Variants in MAPK8IP3 observed in about 807,000 individuals in gnomAD.
MAPK8IP3 encodes mitogen-activated protein kinase 8 interacting protein 3.
A neutral mutation model predicts 157.8 loss-of-function variants in MAPK8IP3; 49 were observed. The observed-to-expected ratio is 0.31, with a 90% CI of 0.25 to 0.39. The LOEUF is 0.39. MAPK8IP3 is among the 10% of genes least tolerant of loss of function. The pLI is 1.00. For synonymous variants in MAPK8IP3, 897 were observed against 777.7 expected (o/e 1.15, Z -2.55); for missense variants, 1,478 against 1,889.4 (o/e 0.78, Z 4.04).
chr16:1,761,845 T>C (rs1208500667), intron 13 of MAPK8IP3, among the ~76,000 whole-genome samples: 1 of 152,228 alleles, frequency 6.6e-6, no homozygotes, highest in Non-Finnish European at 1.5e-5. Flanking sequence ...TCACACACAG[T>C]ATATCCTACT....
At chr16:1,730,070 A>C (rs1030073038) in intron 4 of MAPK8IP3, among the ~76,000 whole-genome samples, 4 of 147,658 alleles carry the variant, frequency 2.7e-5, no homozygotes, top group Non-Finnish European at 6.0e-5. Flanking sequence ...AAAAAAAAAA[A>C]AAATTGTTTA....
intron 4 of MAPK8IP3, chr16:1,734,872 C>T (rs1567160552): frequency 6.5e-6 from 1 of 154,006 alleles, no homozygotes; most frequent in Non-Finnish European, 1.5e-5. Flanking sequence ...CCTGGCGTGG[C>T]TTAGTGAGTG....
chr16:1,768,150 AC>A (rs879312772), intron 29 of MAPK8IP3, 43 bp downstream of exon 29: 1 of 1,611,784 alleles, frequency 6.2e-7, no homozygotes, highest in Admixed American at 1.7e-5. Context: ...AGCCTCTCCC[AC>A]TCTCCACCTG....
intron 5 of MAPK8IP3, chr16:1,745,070 T>C (rs975110370): frequency 6.2e-5 from 61 of 985,096 alleles, no homozygotes; most frequent in East Asian, 1.1e-4. Flanking sequence ...CTGCTACACG[T>C]TGATGTTTAG....
Position 1,762,865 on chromosome 16 carries a change from G to T in MAPK8IP3, c.1757G>T (p.Ser586Ile). 6.2e-7 allele frequency: 1 copy of T among 1,612,932 alleles called. No individual in the cohort carries two copies. Among genetic ancestry groups the T allele is most frequent in the Non-Finnish European group, 8.5e-7 (1 of 1,179,822 alleles). Reference protein sequence around the residue: ...FFSRLFSSSSSPPPAKRPYPS... With the variant: ...FFSRLFSSSSIPPPAKRPYPS... ...AGCCGCCTCTTCAGCTCTTCCTCCA[G>T]CCCCCCTCCGGCCAAGCGCCCCTAT... The change falls in exon 16 of 32, where the codon AGC becomes ATC. Residue 586 changes from serine to isoleucine, a missense_variant. Physicochemically the swap from Ser to Ile is moderately radical, Grantham distance 142. Transcript: ENST00000610761.
intron 1 of MAPK8IP3, among the ~76,000 whole-genome samples, chr16:1,711,268 G>A (rs1001080601): frequency 6.6e-6 from 1 of 152,204 alleles, no homozygotes; most frequent in Non-Finnish European, 1.5e-5. Flanking sequence ...GGGTCCCTGT[G>A]TCCTTGTTGT....
chr16:1,728,998 TTGCCGGGC>T, intron 2 of MAPK8IP3, 132 bp from the exon 3 acceptor site: 1 of 766,778 alleles, frequency 1.3e-6, no homozygotes, highest in Non-Finnish European at 2.3e-6. Context: ...GGCCTTGCAC[TTGCCGGGC>T]TGCTGCTGGT....
chr16:1,765,656 C>G (rs2042214103), intron 20 of MAPK8IP3, among the ~76,000 whole-genome samples: 3 of 152,186 alleles, frequency 2.0e-5, no homozygotes, highest in Admixed American at 6.5e-5. Flanking sequence ...GGTGTGAAAC[C>G]ACAGGGCCGT....
chr16:1,757,037 C>A (rs1307755316), intron 8 of MAPK8IP3, among the ~76,000 whole-genome samples: 2 of 152,166 alleles, frequency 1.3e-5, no homozygotes, highest in African/African-American at 4.8e-5. Context: ...GACATCTGCT[C>A]TCGAATTGGG....
At position 1,743,694 on chromosome 16, in the gene MAPK8IP3, G is replaced by A. The variant is rs535904016; in HGVS notation, c.747+218G>A. 1,392 of 1,400,248 alleles carry A rather than the reference G, an allele frequency of 9.9e-4. 2 individuals carry two copies. Among genetic ancestry groups the A allele is most frequent in the Non-Finnish European group, 6.9e-4 (750 of 1,085,228 alleles). The allele number at this position is 1,400,248 out of a possible 1,614,324, so 86.7% of individuals were successfully genotyped here. ...GGCTGTGGCTGTTCCACGCGGCCTC[G>A]TGTCGGCACCTGCTAGTCCAGGCTA... On this transcript the variant is annotated intron_variant, in intron 5 of 31. Transcript: ENST00000610761. This position sits in a 1 kb window ranked among gnomAD's most constrained non-coding sequence, Gnocchi z 5.6.
intron 13 of MAPK8IP3, among the ~76,000 whole-genome samples, chr16:1,761,752 A>G (rs1402491898): frequency 6.7e-6 from 1 of 150,254 alleles, no homozygotes; most frequent in Non-Finnish European, 1.5e-5. Context: ...CCGGGTGACC[A>G]CTGTTCATAC....
At chr16:1,760,601 CT>C in intron 12 of MAPK8IP3, 69 bp downstream of exon 12, 1 of 1,539,942 alleles carries the variant, frequency 6.5e-7, no homozygotes, top group Non-Finnish European at 8.8e-7. Context: ...TGGCTGCCTC[CT>C]CCAGTGCCTG....
At position 1,764,999 on chromosome 16, in the gene MAPK8IP3, G is replaced by A. The variant is rs138743890; in HGVS notation, c.2281-14G>A. On this transcript the variant is annotated splice_polypyrimidine_tract_variant and intron_variant, in intron 19 of 31. Transcript: ENST00000610761. ...AAGCTCGGGCTCTGACCTTGATCCCGTGCCCTGAAACAGGCCAAGGAGCTC... is the reference window on the plus strand; with the variant it reads ...AAGCTCGGGCTCTGACCTTGATCCCATGCCCTGAAACAGGCCAAGGAGCTC... 84 of 1,594,378 alleles carry A rather than the reference G, an allele frequency of 5.3e-5. No homozygotes were observed. Among genetic ancestry groups the A allele is most frequent in the South Asian group, 6.6e-5 (6 of 90,468 alleles).
intron 1 of MAPK8IP3, among the ~76,000 whole-genome samples, chr16:1,712,577 T>C (rs2037862281): frequency 6.6e-6 from 1 of 151,970 alleles, no homozygotes; most frequent in South Asian, 2.1e-4. Context: ...ACATCTCAGG[T>C]GGTGATAACA....
At position 1,743,352 on chromosome 16, in the gene MAPK8IP3, C is replaced by T. The variant is rs1318210673; in HGVS notation, c.623C>T (p.Ser208Phe). ...TTCAGCAGGAAGGAGCGCCCCACCT[C>T]CCTGAACGTGTTCCCCCTGGCTGAC... ...PGRSRKERPTSLNVFPLADGT... is the reference protein window; with the variant it reads ...PGRSRKERPTFLNVFPLADGT... Residue 208 changes from serine (S) to phenylalanine (F), a missense_variant, in exon 5 of 32, where the codon TCC becomes TTC. Ser to Phe is a radical substitution (Grantham distance 155). Coordinates refer to ENST00000610761, the MANE Select transcript of MAPK8IP3 (RefSeq NM_001318852.2). The surrounding 1 kb of genome is among the most constrained non-coding windows in gnomAD (Gnocchi z 5.6). 6.4e-7 allele frequency: 1 copy of T among 1,574,704 alleles called. No individual in the cohort carries two copies. Among genetic ancestry groups the T allele is most frequent in the Admixed American group, 1.9e-5 (1 of 53,098 alleles).
At chr16:1,767,961 G>C in intron 28 of MAPK8IP3, 43 bp downstream of exon 28, 1 of 1,607,174 alleles carries the variant, frequency 6.2e-7, no homozygotes, top group Non-Finnish European at 8.5e-7. Flanking sequence ...TGCTGCCAGA[G>C]GTGTACGTGG....
intron 5 of MAPK8IP3, chr16:1,745,313 G>A (rs368205354): frequency 2.6e-4 from 95 of 367,636 alleles, no homozygotes; most frequent in African/African-American, 2.0e-3. Context: ...GGGGTTCCCT[G>A]TTTTCTCTCT....
At chr16:1,757,471 A>G (rs2041673908) in intron 8 of MAPK8IP3, among the ~76,000 whole-genome samples, 1 of 152,088 alleles carries the variant, frequency 6.6e-6, no homozygotes, top group Admixed American at 6.5e-5. Flanking sequence ...CCGCGTCCTC[A>G]CCTCTGTTGG....
At chr16:1,728,377 G>T (rs1046667492) in intron 2 of MAPK8IP3, among the ~76,000 whole-genome samples, 6 of 152,246 alleles carry the variant, frequency 3.9e-5, no homozygotes, top group Non-Finnish European at 7.3e-5. Flanking sequence ...TGTCCAGGAG[G>T]TTACTCACTT....
Sources: allele counts gnomAD v4.1 joint callset (sites outside exome capture counted in the v4.1 genomes callset), GRCh38; gene constraint gnomAD v4.1.1; non-coding constraint Gnocchi (gnomAD v3.1); transcripts MANE v1.5; gene names NCBI Gene and HGNC (gene_info 2026-07-23, HGNC 2026-07-21).